The following XPR1 variants were observed in gnomAD, a reference collection of about 807,000 sequenced individuals.
XPR1 encodes the protein solute carrier family 53 member 1.
In XPR1, 28 loss-of-function variants were observed where a neutral mutation model predicts 87.5. The observed-to-expected ratio is 0.32, with a 90% confidence interval of 0.24 to 0.44. The LOEUF is 0.44. XPR1 is among the 20% of genes least tolerant of loss of function. The pLI, the probability that XPR1 is intolerant of heterozygous loss-of-function variation, is 1.00. For missense variants in XPR1, 559 were observed against 862.3 expected, an observed-to-expected ratio of 0.65 and a Z score of 4.41; for synonymous variants, 300 against 306.1, an observed-to-expected ratio of 0.98 and a Z score of 0.21.
chr1:180,881,169 A>T (rs1652841885), intron 14 of XPR1, among the ~76,000 whole-genome samples: 2 of 147,974 alleles, frequency 1.4e-5, no homozygotes, highest in South Asian at 2.1e-4. Flanking sequence ...GTCACAGATA[A>T]TTTTTTTTTT....
chr1:180,882,539 A>G (rs140264284), intron 14 of XPR1, among the ~76,000 whole-genome samples: 2 of 152,170 alleles, frequency 1.3e-5, no homozygotes, highest in African/African-American at 2.4e-5. Flanking sequence ...TATTTTTTAT[A>G]GAGACAGGGT....
At chr1:180,735,017 C>T (rs765754435) in intron 2 of XPR1, among the ~76,000 whole-genome samples, 4 of 152,168 alleles carry the variant, frequency 2.6e-5, no homozygotes, top group Admixed American at 6.5e-5. Context: ...TGAGGAATCA[C>T]AGAAATAAAA....
chr1:180,737,158 T>C lies in XPR1; in HGVS notation c.122-50595T>C, dbSNP rs536602005. On this transcript the variant is annotated intron_variant, in intron 2 of 14. Transcript: ENST00000367590. ...GACTTTACTGCAGAACACCTTGGTA[T>C]GTGGCAGGGGTAGAAGGGGGTGGGT... Among the ~76,000 whole-genome samples, 3 of 152,286 alleles carry C rather than the reference T, an allele frequency of 2.0e-5. No individual in the cohort carries two copies. In the South Asian group the frequency reaches 6.2e-4, roughly 32 times the overall value.
intron 2 of XPR1, among the ~76,000 whole-genome samples, chr1:180,710,052 C>T (rs1293648018): frequency 6.6e-6 from 1 of 151,934 alleles, no homozygotes; most frequent in Non-Finnish European, 1.5e-5. Context: ...ACTACAGGCA[C>T]CTGGCTAATT....
At chr1:180,656,040 A>G (rs182312864) in intron 1 of XPR1, among the ~76,000 whole-genome samples, 16 of 151,938 alleles carry the variant, frequency 1.1e-4, no homozygotes, top group Admixed American at 8.5e-4. Flanking sequence ...GTTATCAAAT[A>G]CTAGATCTTA....
At chr1:180,844,014 C>T (rs1651600903) in intron 11 of XPR1, among the ~76,000 whole-genome samples, 1 of 152,026 alleles carries the variant, frequency 6.6e-6, no homozygotes, top group African/African-American at 2.4e-5. Flanking sequence ...AGTTCGAGAC[C>T]AGCCTGGCCA....
At chr1:180,689,156 G>A (rs1351767939) in intron 2 of XPR1, among the ~76,000 whole-genome samples, 1 of 152,086 alleles carries the variant, frequency 6.6e-6, no homozygotes, top group African/African-American at 2.4e-5. Context: ...AGATAATTTT[G>A]CTTAACCTTT....
intron 2 of XPR1, among the ~76,000 whole-genome samples, chr1:180,704,504 C>G (rs1382710502): frequency 6.6e-6 from 1 of 150,480 alleles, no homozygotes; most frequent in Non-Finnish European, 1.5e-5. Context: ...TTACCTTTTT[C>G]AAAATAATGT....
intron 2 of XPR1, among the ~76,000 whole-genome samples, chr1:180,704,764 AT>A (rs892836333): frequency 2.4e-4 from 30 of 123,530 alleles, no homozygotes; most frequent in Non-Finnish European, 3.4e-4. Flanking sequence ...TGACATATAT[AT>A]TTCCAGCCTG....
At chr1:180,864,692 A>T (rs1224621353) in intron 12 of XPR1, among the ~76,000 whole-genome samples, 1 of 152,198 alleles carries the variant, frequency 6.6e-6, no homozygotes, top group Non-Finnish European at 1.5e-5. Context: ...TATTAATAAA[A>T]AGACAAGAGG....
chr1:180,783,532 A>G lies in XPR1; in HGVS notation c.122-4221A>G, dbSNP rs1483640361. Among the ~76,000 whole-genome samples the G allele has an allele frequency of 3.9e-5, 6 of 151,966 alleles. No homozygotes were observed. In the East Asian group the frequency reaches 7.7e-4, roughly 20 times the overall value. On this transcript the variant is annotated intron_variant, in intron 2 of 14. Transcript: ENST00000367590. The stretch of plus-strand genomic sequence containing the variant: ...CAACAGATTGTTATGCATCCTTGCA[A>G]TCTTTCTATGAATGTACATATGAAT...
At chr1:180,759,725 A>C (rs534130273) in intron 2 of XPR1, among the ~76,000 whole-genome samples, 3 of 152,348 alleles carry the variant, frequency 2.0e-5, no homozygotes, top group Admixed American at 2.0e-4. Context: ...AAACTATTCC[A>C]ATCAATAGAA....
intron 1 of XPR1, among the ~76,000 whole-genome samples, chr1:180,644,556 T>C (rs1216038856): frequency 3.3e-5 from 5 of 152,084 alleles, no homozygotes; most frequent in Non-Finnish European, 7.4e-5. Flanking sequence ...TCTCATTATT[T>C]ATTAGATGTA....
At chr1:180,707,345 C>A (rs947415332) in intron 2 of XPR1, among the ~76,000 whole-genome samples, 4 of 152,190 alleles carry the variant, frequency 2.6e-5, no homozygotes, top group Non-Finnish European at 5.9e-5. Context: ...TCCTACCCTC[C>A]ACCCTCCGAT....
intron 2 of XPR1, among the ~76,000 whole-genome samples, chr1:180,683,618 C>T (rs1656663614): frequency 6.6e-6 from 1 of 152,156 alleles, no homozygotes; most frequent in South Asian, 2.1e-4. Flanking sequence ...CACATCCTCT[C>T]CAGCACCTGT....
chr1:180,789,776 C>T (rs1260635236), intron 3 of XPR1, among the ~76,000 whole-genome samples: 3 of 152,098 alleles, frequency 2.0e-5, no homozygotes, highest in Non-Finnish European at 4.4e-5. Flanking sequence ...TGTTTTTAAT[C>T]CCTTTACCCT....
chr1:180,636,051 G>A (rs76032621), intron 1 of XPR1, among the ~76,000 whole-genome samples: 202 of 152,262 alleles, frequency 1.3e-3, no homozygotes, highest in African/African-American at 4.6e-3. Flanking sequence ...AAGGGATGAC[G>A]ATGAATTAAT....
chr1:180,839,604 T>C (rs1651434112), intron 11 of XPR1, among the ~76,000 whole-genome samples: 2 of 152,136 alleles, frequency 1.3e-5, no homozygotes, highest in African/African-American at 4.8e-5. Flanking sequence ...TCTTAAGTAA[T>C]TGGGGCCTGC....
At chr1:180,823,224 G>GAGCA (rs895441020) in intron 7 of XPR1, among the ~76,000 whole-genome samples, 1 of 148,842 alleles carries the variant, frequency 6.7e-6, no homozygotes, top group African/African-American at 2.5e-5. Context: ...CTGAGCGACA[G>GAGCA]AGCAAGACTC....
Sources: allele counts gnomAD v4.1 joint callset (sites outside exome capture counted in the v4.1 genomes callset), GRCh38; gene constraint gnomAD v4.1.1; transcripts MANE v1.5; gene names NCBI Gene and HGNC (gene_info 2026-07-23, HGNC 2026-07-21).